Variants in EVI5 observed in about 807,000 individuals in gnomAD.
EVI5 encodes ecotropic viral integration site 5 protein homolog.
Under a neutral mutation model 112.0 loss-of-function variants are expected in EVI5, and 73 were observed. The observed-to-expected ratio is 0.65, with a 90% CI of 0.54 to 0.79. EVI5 has a LOEUF of 0.79. EVI5 is among the 30% of genes least tolerant of loss of function. The pLI is 0.00. For synonymous variants in EVI5, 305 were observed against 319.9 expected (o/e 0.95, Z 0.50); for missense variants, 900 against 968.8 (o/e 0.93, Z 0.94).
chr1:92,737,992 C>G (rs1443567624), intron 1 of EVI5, among the ~76,000 whole-genome samples: 1 of 152,052 alleles, frequency 6.6e-6, no homozygotes. Context: ...TGGGCTGTTA[C>G]CGTTGAGAGA....
chr1:92,772,421 C>G (rs1481120564), intron 1 of EVI5, among the ~76,000 whole-genome samples: 2 of 151,072 alleles, frequency 1.3e-5, no homozygotes, highest in Non-Finnish European at 2.9e-5. Flanking sequence ...ACAGTGAAAC[C>G]CTGATTCTAC....
At chr1:92,735,948 A>G (rs1200303494) in intron 2 of EVI5, among the ~76,000 whole-genome samples, 1 of 150,274 alleles carries the variant, frequency 6.7e-6, no homozygotes, top group Non-Finnish European at 1.5e-5. Context: ...ATGCATTCCT[A>G]GCAGAGCAGA....
At chr1:92,616,368 A>G (rs1021050486) in intron 16 of EVI5, among the ~76,000 whole-genome samples, 1 of 152,208 alleles carries the variant, frequency 6.6e-6, no homozygotes, top group African/African-American at 2.4e-5. Context: ...CAATGGGAAT[A>G]ATTGAATACT....
intron 1 of EVI5, among the ~76,000 whole-genome samples, chr1:92,776,107 CAAAAA>C (rs1011239382): frequency 1.5e-5 from 1 of 68,450 alleles, no homozygotes; most frequent in Admixed American, 1.7e-4. Flanking sequence ...GACTCCATCT[CAAAAA>C]AAAAAAAAAA....
At chr1:92,531,199 T>C (rs1662808637) in intron 19 of EVI5, among the ~76,000 whole-genome samples, 1 of 151,176 alleles carries the variant, frequency 6.6e-6, no homozygotes, top group South Asian at 2.1e-4. Context: ...AGATTGAAGA[T>C]CAACTCAATG....
intron 1 of EVI5, among the ~76,000 whole-genome samples, chr1:92,748,679 T>C (rs1359265575): frequency 6.6e-6 from 1 of 151,706 alleles, no homozygotes; most frequent in Non-Finnish European, 1.5e-5. Context: ...TATTTTTATT[T>C]TGGGGAGACA....
At chr1:92,707,191 A>C (rs1168012557) in intron 2 of EVI5, among the ~76,000 whole-genome samples, 2 of 144,906 alleles carry the variant, frequency 1.4e-5, no homozygotes, top group Non-Finnish European at 3.0e-5. Flanking sequence ...AAAAAAAAAA[A>C]AAAAAAAAAC....
At chr1:92,650,854 T>C (rs1158074710) in intron 13 of EVI5, among the ~76,000 whole-genome samples, 2 of 152,226 alleles carry the variant, frequency 1.3e-5, no homozygotes, top group Non-Finnish European at 2.9e-5. Context: ...ATTTATTCCT[T>C]GATAAAGGCC....
chr1:92,650,063 C>T (rs1012389570), intron 13 of EVI5, among the ~76,000 whole-genome samples: 1 of 152,160 alleles, frequency 6.6e-6, no homozygotes, highest in Non-Finnish European at 1.5e-5. Context: ...TATGCCAGTA[C>T]TACTTTGACT....
chr1:92,589,025 A>C (rs1188940763), intron 18 of EVI5, among the ~76,000 whole-genome samples: 2 of 152,216 alleles, frequency 1.3e-5, no homozygotes, highest in Non-Finnish European at 2.9e-5. Flanking sequence ...GGTATAAGAA[A>C]GATCTCTAAC....
rs189536677 is a variant in EVI5, at chr1:92,565,695, G to A, written c.2071-1958C>T. Among the ~76,000 whole-genome samples the A allele has an allele frequency of 8.6e-5, 13 of 152,026 alleles. No homozygotes were observed. In the South Asian group the frequency reaches 1.5e-3, roughly 17 times the overall value. ...GAACTGTTCTAGCAACAGGCCAGGC[G>A]CGGTGGCTCATGCCTGTAATCCCAG... On this transcript the variant is annotated intron_variant, in intron 18 of 19. Transcript: ENST00000684568.
At chr1:92,522,539 G>A (rs761782700) in intron 19 of EVI5, among the ~76,000 whole-genome samples, 14 of 140,414 alleles carry the variant, frequency 1.0e-4, no homozygotes, top group Non-Finnish European at 1.2e-4. Context: ...GGGAGGCTGA[G>A]GCAGAACTGC....
rs200441654 is a variant in EVI5 at position 92,736,404 on chromosome 1, T to C, written c.143A>G (p.Gln48Arg). 45 of 1,601,814 alleles carry C rather than the reference T, an allele frequency of 2.8e-5. No individual in the cohort carries two copies. In the East Asian group the frequency reaches 9.2e-4, roughly 33 times the overall value. Residue 48 changes from glutamine to arginine, a missense_variant, in exon 2 of 20, where the codon CAG becomes CGG. Transcript: ENST00000684568. The part of the protein sequence containing the change: ...DLELLAKLEE[Q>R]NRLLETDSKS... The stretch of plus-strand genomic sequence containing the variant: ...GCTAAGCAACCTCACTCACCTATTC[T>C]GTTCTTCCAGTTTAGCCAGGAGTTC...
chr1:92,769,585 A>G (rs1370715686), intron 1 of EVI5, among the ~76,000 whole-genome samples: 1 of 152,086 alleles, frequency 6.6e-6, no homozygotes, highest in African/African-American at 2.4e-5. Context: ...GCTATGATTA[A>G]GTTAAAGATC....
intron 9 of EVI5, among the ~76,000 whole-genome samples, chr1:92,688,891 T>C (rs373881053): frequency 2.7e-4 from 41 of 152,310 alleles, no homozygotes; most frequent in African/African-American, 5.5e-4. Context: ...GGTCCAATTG[T>C]TGAGTTTATT....
At chr1:92,570,212 T>C (rs1409822839) in intron 18 of EVI5, among the ~76,000 whole-genome samples, 1 of 152,364 alleles carries the variant, frequency 6.6e-6, no homozygotes, top group South Asian at 2.1e-4. Context: ...TGAGTAAGCA[T>C]GTCAGTAAAC....
chr1:92,515,572 C>T (rs963401279), intron 19 of EVI5, among the ~76,000 whole-genome samples: 1 of 152,218 alleles, frequency 6.6e-6, no homozygotes, highest in African/African-American at 2.4e-5. Flanking sequence ...GAATTAGCTA[C>T]CAAATATCTA....
intron 19 of EVI5, among the ~76,000 whole-genome samples, chr1:92,541,255 C>T (rs1465768540): frequency 1.3e-5 from 2 of 152,016 alleles, no homozygotes; most frequent in Non-Finnish European, 2.9e-5. Context: ...TGATAAGGAA[C>T]ACATATTTAG....
rs561786839 is a variant in EVI5, at chr1:92,571,846, C to T, written c.2071-8109G>A. Among the ~76,000 whole-genome samples, 25 of 152,266 alleles carry T rather than the reference C, an allele frequency of 1.6e-4. No homozygotes were observed. In the East Asian group the frequency reaches 4.0e-3, roughly 25 times the overall value. On this transcript the variant is annotated intron_variant, in intron 18 of 19. Coordinates refer to ENST00000684568, the MANE Select transcript of EVI5 (RefSeq NM_001350197.2). ...GGTTTTCTTTTGGTCTAGCTGATAA[C>T]AACAGATTGCCAGTTAACTGGTTTC...
Sources: allele counts gnomAD v4.1 joint callset (sites outside exome capture counted in the v4.1 genomes callset), GRCh38; gene constraint gnomAD v4.1.1; transcripts MANE v1.5; gene names NCBI Gene and HGNC (gene_info 2026-07-23, HGNC 2026-07-21).